Variants in EPN2 observed in about 807,000 individuals in gnomAD.
EPN2 encodes the protein epsin 2, also known as epsin-2.
Under a neutral mutation model 61.7 loss-of-function variants are expected in EPN2, and 34 were observed. That is an observed-to-expected ratio of 0.55 (90% CI 0.42 to 0.73). The LOEUF is 0.73. EPN2 is among the 30% of genes least tolerant of loss of function. EPN2 has a pLI of 0.00. For synonymous variants in EPN2, 349 were observed against 353.6 expected (o/e 0.99, Z 0.15); for missense variants, 714 against 839.2 (o/e 0.85, Z 1.84).
intron 7 of EPN2, 76 bp downstream of exon 7, chr17:19,313,355 C>T: frequency 2.2e-6 from 3 of 1,393,042 alleles, no homozygotes; most frequent in Non-Finnish European, 2.9e-6. Context: ...CTTGCTGTCT[C>T]TCACCCACTT....
intron 7 of EPN2, among the ~76,000 whole-genome samples, chr17:19,324,077 T>C (rs145893216): frequency 2.0e-5 from 3 of 152,354 alleles, no homozygotes; most frequent in East Asian, 1.9e-4. Context: ...TTCCCAGCAA[T>C]TGGAGAATAC....
chr17:19,304,504 C>T (rs1905726624), intron 4 of EPN2, among the ~76,000 whole-genome samples: 1 of 152,188 alleles, frequency 6.6e-6, no homozygotes, highest in Non-Finnish European at 1.5e-5. Flanking sequence ...CTGGGAAGGG[C>T]CACGCTTTCT....
chr17:19,295,378 G>GCGCGCC, intron 4 of EPN2, among the ~76,000 whole-genome samples: 1 of 150,878 alleles, frequency 6.6e-6, no homozygotes, highest in South Asian at 2.1e-4. Context: ...GCGCGTGCGC[G>GCGCGCC]CAAAATAGCC....
chr17:19,254,188 AG>A (rs1185345737), intron 1 of EPN2, among the ~76,000 whole-genome samples: 1 of 132,866 alleles, frequency 7.5e-6, no homozygotes, highest in Non-Finnish European at 1.6e-5. Context: ...GAAGGGAGGG[AG>A]GGAGGGAAGG....
chr17:19,313,189 C>G lies in EPN2; in HGVS notation c.1057C>G (p.Pro353Ala). ...SSGPAAQKAE[P>A]WGPSASTNQT... ...GGGCCCCGCGGCCCAGAAAGCAGAG[C>G]CCTGGGGCCCGTCAGCCTCCACTAA... Residue 353 changes from proline (P) to alanine (A), a missense_variant, in exon 7 of 11, where the codon CCC becomes GCC. This residue lies in a region of EPN2 where 410 missense variants were observed against 421.8 expected (regional missense o/e 0.97). Coordinates refer to ENST00000314728, the MANE Select transcript of EPN2 (RefSeq NM_014964.5). 6.2e-7 allele frequency: 1 copy of G among 1,612,822 alleles called. No homozygotes were observed. The highest frequency in any genetic ancestry group is 8.5e-7 in the Non-Finnish European group (1 of 1,179,484).
intron 6 of EPN2, 40 bp downstream of exon 6, chr17:19,312,184 T>C (rs748901052): frequency 4.1e-6 from 6 of 1,448,572 alleles, no homozygotes; most frequent in Non-Finnish European, 5.8e-6. Context: ...CACCCTGTCC[T>C]GTAGTTGTTG....
At chr17:19,249,995 C>T (rs1465192167) in intron 1 of EPN2, among the ~76,000 whole-genome samples, 1 of 152,158 alleles carries the variant, frequency 6.6e-6, no homozygotes, top group Non-Finnish European at 1.5e-5. Context: ...GACCCTGACT[C>T]TTCTGCCTCC....
At chr17:19,248,388 G>A (rs1319240274) in intron 1 of EPN2, 1 of 152,188 alleles carries the variant, frequency 6.6e-6, no homozygotes, top group Non-Finnish European at 1.5e-5. Flanking sequence ...GGCACAGCAG[G>A]TTCTTATCTG....
At chr17:19,258,896 C>T (rs917823337) in intron 1 of EPN2, among the ~76,000 whole-genome samples, 14 of 152,158 alleles carry the variant, frequency 9.2e-5, no homozygotes, top group African/African-American at 2.9e-4. Context: ...TGAGTCTAGC[C>T]GACGGCCCAC....
intron 1 of EPN2, among the ~76,000 whole-genome samples, chr17:19,272,975 T>TAG (rs1234823553): frequency 2.0e-5 from 3 of 152,216 alleles, no homozygotes; most frequent in African/African-American, 4.8e-5. Flanking sequence ...CACAGGCTGC[T>TAG]CCTCCCAGAG....
At chr17:19,306,096 G>GT (rs1905828426) in intron 4 of EPN2, 1 of 152,252 alleles carries the variant, frequency 6.6e-6, no homozygotes, top group African/African-American at 2.4e-5. Context: ...CTTCCAGTGA[G>GT]TGTCTGGGAA....
chr17:19,312,398 T>C (rs937380570), intron 6 of EPN2, among the ~76,000 whole-genome samples: 1 of 152,222 alleles, frequency 6.6e-6, no homozygotes, highest in African/African-American at 2.4e-5. Context: ...AGTGCCTGCC[T>C]CCTGCCGCTG....
rs766795935 is a variant in EPN2 at position 19,328,727 on chromosome 17, C to T, written c.1164C>T (p.Ala388=). 2 of 1,608,946 alleles carry T rather than the reference C, an allele frequency of 1.2e-6. No homozygotes were observed. The highest frequency in any genetic ancestry group is 1.7e-6 in the Non-Finnish European group (2 of 1,176,894). ...TTCCAACAGGTACCAAGCCAGCTGC[C>T]TCCATTGACCCATGGGGGGTGCCCA... The part of the protein sequence containing the change: ...PWPSFGTKPA[A]SIDPWGVPTG... Residue 388 remains alanine, a synonymous_variant, in exon 8 of 11, where the codon GCC becomes GCT. Transcript: ENST00000314728.
chr17:19,264,886 G>A (rs1283532956), intron 1 of EPN2, among the ~76,000 whole-genome samples: 1 of 152,138 alleles, frequency 6.6e-6, no homozygotes, highest in Non-Finnish European at 1.5e-5. Flanking sequence ...GAGGTCGTGG[G>A]AGGAAGGAAG....
At chr17:19,319,731 T>C (rs1906558881) in intron 7 of EPN2, among the ~76,000 whole-genome samples, 1 of 151,856 alleles carries the variant, frequency 6.6e-6, no homozygotes, top group Admixed American at 6.6e-5. Context: ...CACTGCAACC[T>C]CCGCCTCCCA....
At position 19,295,360 on chromosome 17, in the gene EPN2, A is replaced by ACGCGCG. The variant is rs1202148585; in HGVS notation, c.766+9571_766+9572insGCGCGC. On this transcript the variant is annotated intron_variant, in intron 4 of 10. Coordinates refer to ENST00000314728, the MANE Select transcript of EPN2 (RefSeq NM_014964.5). Reference sequence around the variant, plus strand: ...TAAAAATACACACACACACACACACACACACACGCGCGTGCGCGCAAAATA... The same window carrying ACGCGCG: ...TAAAAATACACACACACACACACACACGCGCGCACACACGCGCGTGCGCGCAAAATA... Among the ~76,000 whole-genome samples, 428 of 69,372 alleles carry ACGCGCG rather than the reference A, an allele frequency of 6.2e-3. 2 individuals carry two copies. Among genetic ancestry groups the ACGCGCG allele is most frequent in the African/African-American group, 0.012 (334 of 26,978 alleles). The allele number at this position is 69,372 out of a possible 152,430, so 45.5% of individuals were successfully genotyped here.
chr17:19,251,009 A>G (rs1320551889), intron 1 of EPN2, among the ~76,000 whole-genome samples: 1 of 152,150 alleles, frequency 6.6e-6, no homozygotes, highest in Non-Finnish European at 1.5e-5. Flanking sequence ...TGTTTGTGCC[A>G]TGATTCCTTG....
At chr17:19,238,855 A>C (rs2044848298) in intron 1 of EPN2, among the ~76,000 whole-genome samples, 1 of 152,220 alleles carries the variant, frequency 6.6e-6, no homozygotes, top group South Asian at 2.1e-4. Context: ...CAGGGTGTTA[A>C]AATGATGGGA....
intron 5 of EPN2, among the ~76,000 whole-genome samples, chr17:19,311,286 G>A (rs1906123302): frequency 6.6e-6 from 1 of 152,226 alleles, no homozygotes; most frequent in East Asian, 1.9e-4. Context: ...GTGCGTGGTA[G>A]CATCCACTGA....
Sources: gnomAD v4.1 joint callset for allele counts (sites outside exome capture counted in the v4.1 genomes callset) on GRCh38, gnomAD v4.1.1 for gene constraint, gnomAD v4.1.1 regional missense constraint, MANE v1.5 for transcripts, NCBI Gene and HGNC (gene_info 2026-07-23, HGNC 2026-07-21) for gene names.